MYO9A: variants seen among roughly 807,000 people sequenced by gnomAD.
MYO9A encodes myosin IXA.
A neutral mutation model predicts 293.3 loss-of-function variants in MYO9A; 103 were observed. That is an observed-to-expected ratio of 0.35 (90% confidence interval 0.30 to 0.41). The LOEUF is 0.41. MYO9A is among the 10% of genes least tolerant of loss of function. The pLI, the probability that MYO9A is intolerant of heterozygous loss-of-function variation, is 1.00. For synonymous variants in MYO9A, 1,001 were observed against 1,035.7 expected, an observed-to-expected ratio of 0.97 and a Z score of 0.64; for missense variants, 2,685 against 3,033.0, an observed-to-expected ratio of 0.89 and a Z score of 2.69.
At chr15:72,095,909 G>C (rs924553778) in intron 1 of MYO9A, among the ~76,000 whole-genome samples, 63 of 152,074 alleles carry the variant, frequency 4.1e-4, no homozygotes, top group Admixed American at 7.2e-4. Context: ...GTGAAACCTC[G>C]TCTTTATAAA....
At chr15:71,860,969 CAAAAAAAAAA>C (rs61030744) in intron 33 of MYO9A, among the ~76,000 whole-genome samples, 2 of 32,424 alleles carry the variant, frequency 6.2e-5, no homozygotes, top group East Asian at 9.9e-4. Context: ...TCCATCTCAC[CAAAAAAAAAA>C]AAAAAAAAAA....
rs754735768 is a variant in MYO9A at position 72,046,513 on chromosome 15, T to C, written c.51A>G (p.Thr17=). ...AAATAGCCCCAGGATATATCCGTAATGTATGTTCATTATCTTCAAAGCGTC... is the reference window on the plus strand; with the variant it reads ...AAATAGCCCCAGGATATATCCGTAACGTATGTTCATTATCTTCAAAGCGTC... ...GRRRFEDNEH[T]LRIYPGAISE... The change falls in exon 2 of 42, where the codon ACA becomes ACG. Residue 17 remains threonine, a synonymous_variant. Coordinates refer to ENST00000356056, the MANE Select transcript of MYO9A (RefSeq NM_006901.4). 3 of 1,612,456 alleles carry C rather than the reference T, an allele frequency of 1.9e-6. No individual in the cohort carries two copies. Among genetic ancestry groups the C allele is most frequent in the East Asian group, 4.5e-5 (2 of 44,874 alleles).
Position 71,824,995 on chromosome 15 carries a change from ATACAGGTTATAGATGG to A in MYO9A, c.*1569_*1584del, listed in dbSNP as rs1567167818. On this transcript the variant is annotated 3_prime_UTR_variant, in exon 42 of 42. Coordinates refer to ENST00000356056, the MANE Select transcript of MYO9A (RefSeq NM_006901.4). ...AGTATGAAAAGGAAGAATACCCAAAATACAGGTTATAGATGGTAAAGGCTCTTTTTCAGAGCAGTGC... is the reference window on the plus strand; with the variant it reads ...AGTATGAAAAGGAAGAATACCCAAAATAAAGGCTCTTTTTCAGAGCAGTGC... The A allele has an allele frequency of 6.6e-6, 1 of 152,244 alleles. No homozygotes were observed. The highest frequency in any genetic ancestry group is 1.5e-5 in the Non-Finnish European group (1 of 68,044). The allele number at this position is 152,244 out of a possible 1,614,324, so 9.4% of individuals were successfully genotyped here. A position where few individuals can be genotyped will look rare whatever the true frequency, so the allele number is the denominator to read the frequency against.
At chr15:71,926,895 C>T (rs75440134) in intron 18 of MYO9A, among the ~76,000 whole-genome samples, 4,093 of 152,234 alleles carry the variant, frequency 0.027, 159 homozygotes, top group East Asian at 0.18. Flanking sequence ...CACACCAGTC[C>T]ACTGGCTCTG....
At chr15:72,015,290 G>T (rs924718155) in intron 6 of MYO9A, among the ~76,000 whole-genome samples, 3 of 152,122 alleles carry the variant, frequency 2.0e-5, no homozygotes, top group African/African-American at 7.2e-5. Context: ...ACTGACAGAT[G>T]GGTTTTGGCA....
At chr15:72,081,281 CATT>C (rs1434465102) in intron 1 of MYO9A, among the ~76,000 whole-genome samples, 9 of 152,310 alleles carry the variant, frequency 5.9e-5, no homozygotes, top group African/African-American at 1.9e-4. Context: ...GGTGGCATCT[CATT>C]GTGGTCTGAT....
At chr15:72,029,453 C>T (rs1424643984) in intron 3 of MYO9A, among the ~76,000 whole-genome samples, 2 of 152,084 alleles carry the variant, frequency 1.3e-5, no homozygotes, top group East Asian at 3.9e-4. Flanking sequence ...ATACTATAGG[C>T]AACTGTAACA....
In MYO9A at chr15:71,825,537, C is replaced by CTT. The variant is rs1184842508; in HGVS notation, c.*1041_*1042dup. On this transcript the variant is annotated 3_prime_UTR_variant, in exon 42 of 42. Transcript: ENST00000356056. ...TATTTTTTGGCAGCTTTCTGTAACA[C>CTT]TTACTTACTTATTCATGCAATATTG... 1 of 152,226 alleles carries CTT rather than the reference C, an allele frequency of 6.6e-6. No homozygotes were observed. The highest frequency in any genetic ancestry group is 1.5e-5 in the Non-Finnish European group (1 of 68,006). The allele number at this position is 152,226 out of a possible 1,614,324, so 9.4% of individuals were successfully genotyped here. A position where few individuals can be genotyped will look rare whatever the true frequency, so the allele number is the denominator to read the frequency against.
At chr15:71,983,017 T>C (rs1004980100) in intron 11 of MYO9A, among the ~76,000 whole-genome samples, 4 of 152,182 alleles carry the variant, frequency 2.6e-5, no homozygotes, top group Admixed American at 1.3e-4. Context: ...AATCTTTCTA[T>C]ATACTTATAT....
At chr15:71,910,324 C>T (rs968139185) in intron 19 of MYO9A, among the ~76,000 whole-genome samples, 7 of 151,402 alleles carry the variant, frequency 4.6e-5, no homozygotes, top group Non-Finnish European at 7.4e-5. Context: ...GTTAATTTTA[C>T]CTACTATTAA....
At chr15:72,035,369 G>T (rs1380504670) in intron 2 of MYO9A, among the ~76,000 whole-genome samples, 1 of 96,286 alleles carries the variant, frequency 1.0e-5, no homozygotes, top group Admixed American at 1.2e-4. Context: ...TGAAAATAAC[G>T]AAATGTCCAC....
chr15:71,939,399 T>C (rs1358051107), intron 15 of MYO9A, among the ~76,000 whole-genome samples: 1 of 152,180 alleles, frequency 6.6e-6, no homozygotes, highest in African/African-American at 2.4e-5. Context: ...GTTGTTTCCT[T>C]CGTGTTCATA....
In MYO9A at chr15:71,875,779, AT is replaced by A; in HGVS notation, c.5979+11del. 7.6e-7 allele frequency: 1 copy of A among 1,322,082 alleles called. No homozygotes were observed. The highest frequency in any genetic ancestry group is 2.2e-5 in the South Asian group (1 of 45,576). 81.9% of individuals were successfully genotyped at this position (1,322,082 alleles called of 1,614,324 possible). A position where few individuals can be genotyped will look rare whatever the true frequency, so the allele number is the denominator to read the frequency against. ...ATTACTTTTTTAATTTAAAAAACAG[AT>A]TATAACTTACCAAATCAGTTTCCTT... On this transcript the variant is annotated intron_variant, in intron 32 of 41. Transcript: ENST00000356056.
At chr15:71,960,989 G>A (rs909614624) in intron 13 of MYO9A, among the ~76,000 whole-genome samples, 3 of 152,302 alleles carry the variant, frequency 2.0e-5, no homozygotes, top group African/African-American at 7.2e-5. Context: ...AGGCTATTTA[G>A]ACTCTGAACT....
chr15:71,924,445 T>C (rs1289621356), intron 18 of MYO9A, among the ~76,000 whole-genome samples: 1 of 152,020 alleles, frequency 6.6e-6, no homozygotes, highest in South Asian at 2.1e-4. Context: ...GGTTTTACCG[T>C]GTTAGGCAGG....
intron 16 of MYO9A, among the ~76,000 whole-genome samples, chr15:71,936,534 G>T (rs1227695613): frequency 2.0e-5 from 3 of 151,992 alleles, no homozygotes; most frequent in African/African-American, 7.2e-5. Context: ...GACGAATATG[G>T]TAATTATTTT....
rs2080869372 is a variant in MYO9A, at chr15:72,113,816, A to C, written c.-72+3864T>G. The stretch of plus-strand genomic sequence containing the variant: ...AGACTTGTTAGCAATCAATGAGAAA[A>C]AGAGCTGAGCCAAATCTGGAATTCA... On this transcript the variant is annotated intron_variant, in intron 1 of 41. Coordinates refer to ENST00000356056, the MANE Select transcript of MYO9A (RefSeq NM_006901.4). 7.2e-5 allele frequency among the ~76,000 whole-genome samples: 11 copies of C among 152,326 alleles called. No individual in the cohort carries two copies. In the South Asian group the frequency reaches 1.9e-3, roughly 26 times the overall value.
intron 1 of MYO9A, among the ~76,000 whole-genome samples, chr15:72,059,340 CA>C (rs1244178301): frequency 6.6e-6 from 1 of 152,172 alleles, no homozygotes; most frequent in African/African-American, 2.4e-5. Flanking sequence ...TGGCACAAAA[CA>C]AAGGTTAATG....
Position 71,980,611 on chromosome 15 carries a change from G to A in MYO9A, c.1723-2319C>T, listed in dbSNP as rs1596317338. On this transcript the variant is annotated intron_variant, in intron 11 of 41. Coordinates refer to ENST00000356056, the MANE Select transcript of MYO9A (RefSeq NM_006901.4). The stretch of plus-strand genomic sequence containing the variant: ...ATGCTTTGGGAGGCCTAGCTGGGAA[G>A]ATCACTTGAGGCCATGAGTTTGAGA... Among the ~76,000 whole-genome samples, 3 of 152,312 alleles carry A rather than the reference G, an allele frequency of 2.0e-5. No individual in the cohort carries two copies. The South Asian group carries it at 6.2e-4, about 32-fold the overall frequency.
Sources: allele counts gnomAD v4.1 joint callset (sites outside exome capture counted in the v4.1 genomes callset), GRCh38; gene constraint gnomAD v4.1.1; transcripts MANE v1.5; gene names NCBI Gene and HGNC (gene_info 2026-07-23, HGNC 2026-07-21).